Variants in ZFPM2 observed in about 807,000 individuals in gnomAD.
The protein encoded by ZFPM2 is zinc finger protein, FOG family member 2.
A neutral mutation model predicts 98.6 loss-of-function variants in ZFPM2; 20 were observed. That is an observed-to-expected ratio of 0.20 (90% CI 0.14 to 0.29). The LOEUF is 0.29. Among genes scored for constraint, ZFPM2 ranks in the 10% least tolerant of loss-of-function variants. ZFPM2 has a pLI of 1.00. For synonymous variants in ZFPM2, 518 were observed against 502.7 expected (o/e 1.03, Z -0.41); for missense variants, 1,310 against 1,388.6 (o/e 0.94, Z 0.90).
At chr8:105,551,518 C>A in intron 3 of ZFPM2, among the ~76,000 whole-genome samples, 1 of 152,112 alleles carries the variant, frequency 6.6e-6, no homozygotes, top group East Asian at 1.9e-4. Flanking sequence ...TACTTCAGAC[C>A]AGTCTTCTGA....
chr8:105,672,000 A>G (rs1318514212), intron 5 of ZFPM2, among the ~76,000 whole-genome samples: 1 of 152,200 alleles, frequency 6.6e-6, no homozygotes, highest in African/African-American at 2.4e-5. Context: ...TAAGTGAAAC[A>G]TTAACTAATT....
intron 3 of ZFPM2, among the ~76,000 whole-genome samples, chr8:105,499,288 G>A (rs1457450747): frequency 1.3e-5 from 2 of 150,820 alleles, no homozygotes; most frequent in Non-Finnish European, 2.9e-5. Flanking sequence ...GAGAGAAAAG[G>A]TGGAATGACT....
chr8:105,351,878 G>A (rs967044751), intron 1 of ZFPM2, among the ~76,000 whole-genome samples: 2 of 151,986 alleles, frequency 1.3e-5, no homozygotes, highest in Non-Finnish European at 2.9e-5. Context: ...TTTAATCAAT[G>A]GAGAAATTAT....
At chr8:105,750,436 A>G (rs1309259147) in intron 5 of ZFPM2, among the ~76,000 whole-genome samples, 1 of 152,112 alleles carries the variant, frequency 6.6e-6, no homozygotes, top group Non-Finnish European at 1.5e-5. Flanking sequence ...AAAACATTTT[A>G]TAATTAGTAG....
At chr8:105,379,146 AT>A (rs1023339104) in intron 1 of ZFPM2, among the ~76,000 whole-genome samples, 8 of 152,088 alleles carry the variant, frequency 5.3e-5, no homozygotes, top group African/African-American at 1.4e-4. Flanking sequence ...GTTCTTGTTG[AT>A]TTTTTTAAAT....
At chr8:105,529,945 G>A (rs1436248097) in intron 3 of ZFPM2, among the ~76,000 whole-genome samples, 1 of 151,920 alleles carries the variant, frequency 6.6e-6, no homozygotes, top group Admixed American at 6.6e-5. Flanking sequence ...TGGTCAGGCT[G>A]GTCTAGAACT....
chr8:105,711,641 G>A (rs1456502323), intron 5 of ZFPM2, among the ~76,000 whole-genome samples: 1 of 151,906 alleles, frequency 6.6e-6, no homozygotes, highest in Non-Finnish European at 1.5e-5. Context: ...AAATAAGTTC[G>A]AGTCTCAGCC....
intron 1 of ZFPM2, among the ~76,000 whole-genome samples, chr8:105,380,586 A>G (rs1810827053): frequency 1.1e-5 from 1 of 94,210 alleles, no homozygotes. Context: ...GATATTTTCT[A>G]TCGGTATATA....
chr8:105,611,924 C>A (rs1816316174), intron 4 of ZFPM2, among the ~76,000 whole-genome samples: 1 of 152,012 alleles, frequency 6.6e-6, no homozygotes, highest in Admixed American at 6.6e-5. Context: ...TCTCGAACTC[C>A]TGACCTCAGG....
At chr8:105,450,351 T>G (rs1011075300) in intron 3 of ZFPM2, among the ~76,000 whole-genome samples, 2 of 152,140 alleles carry the variant, frequency 1.3e-5, no homozygotes, top group Admixed American at 1.3e-4. Context: ...TGATTTCGTT[T>G]CCTTTTTGAT....
intron 2 of ZFPM2, among the ~76,000 whole-genome samples, chr8:105,442,504 G>A (rs545749349): frequency 1.8e-4 from 27 of 152,232 alleles, no homozygotes; most frequent in Middle Eastern, 6.8e-3. Flanking sequence ...CTTAAACATA[G>A]TAGATGCTCA....
At chr8:105,352,825 ATGCCTGCCTGCC>A (rs920677380) in intron 1 of ZFPM2, among the ~76,000 whole-genome samples, 2 of 151,864 alleles carry the variant, frequency 1.3e-5, no homozygotes, top group Non-Finnish European at 2.9e-5. Flanking sequence ...CCTTATCTGT[ATGCCTGCCTGCC>A]TGCCTGCCTA....
chr8:105,359,944 T>A (rs1170130293), intron 1 of ZFPM2, among the ~76,000 whole-genome samples: 1 of 152,208 alleles, frequency 6.6e-6, no homozygotes, highest in East Asian at 1.9e-4. Flanking sequence ...AAGCCCACAG[T>A]CTTCTCTAAG....
chr8:105,372,739 T>A (rs1810648865), intron 1 of ZFPM2, among the ~76,000 whole-genome samples: 1 of 152,082 alleles, frequency 6.6e-6, no homozygotes, highest in African/African-American at 2.4e-5. Context: ...CCAGAATATG[T>A]TTGAGTTATT....
intron 6 of ZFPM2, among the ~76,000 whole-genome samples, chr8:105,797,709 C>G (rs1031983872): frequency 6.6e-6 from 1 of 152,144 alleles, no homozygotes; most frequent in Non-Finnish European, 1.5e-5. Context: ...GATGATCCAA[C>G]CCCTCTTCTC....
chr8:105,378,031 G>T (rs1450736577), intron 1 of ZFPM2, among the ~76,000 whole-genome samples: 1 of 152,174 alleles, frequency 6.6e-6, no homozygotes, highest in East Asian at 1.9e-4. Flanking sequence ...AAAAGAAGAG[G>T]ATTCAAATTA....
chr8:105,630,332 A>G (rs1816733624), intron 4 of ZFPM2, among the ~76,000 whole-genome samples: 1 of 150,998 alleles, frequency 6.6e-6, no homozygotes, highest in Non-Finnish European at 1.5e-5. Flanking sequence ...AATCCTGGCT[A>G]ACTCCTTCCT....
At chr8:105,452,021 T>C (rs559244718) in intron 3 of ZFPM2, among the ~76,000 whole-genome samples, 1 of 152,254 alleles carries the variant, frequency 6.6e-6, no homozygotes, top group South Asian at 2.1e-4. Context: ...TTGAATAATT[T>C]GCGAGAAAAA....
chr8:105,802,854 G>A lies in ZFPM2; in HGVS notation c.2772G>A (p.Gln924=), dbSNP rs1483322855. 1 of 1,613,658 alleles carries A rather than the reference G, an allele frequency of 6.2e-7. No individual in the cohort carries two copies. The highest frequency in any genetic ancestry group is 1.7e-5 in the Admixed American group (1 of 59,996). ...GTGAGAAAAATGGGAATTTGAAGCA[G>A]CCTTCCCCCAATGGAAACTTATTTT... ...IKCEKNGNLK[Q]PSPNGNLFSS... The change falls in exon 8 of 8, where the codon CAG becomes CAA. Residue 924 remains glutamine (Q), a synonymous_variant. Transcript: ENST00000407775.
Sources: allele counts gnomAD v4.1 joint callset (sites outside exome capture counted in the v4.1 genomes callset), GRCh38; gene constraint gnomAD v4.1.1; transcripts MANE v1.5; gene names NCBI Gene and HGNC (gene_info 2026-07-23, HGNC 2026-07-21).